The following TPRG1 variants were observed in gnomAD, a reference collection of about 807,000 sequenced individuals.
TPRG1 encodes the protein tumor protein p63-regulated gene 1 protein.
A neutral mutation model predicts 29.3 loss-of-function variants in TPRG1; 29 were observed. That is an observed-to-expected ratio of 0.99 (90% CI 0.74 to 1.35). The LOEUF is 1.35. Ranked by LOEUF, TPRG1 falls within the 40% of genes most tolerant of loss-of-function variation. TPRG1 has a pLI of 0.00. For missense variants in TPRG1, 327 were observed against 335.0 expected (o/e 0.98, Z 0.19); for synonymous variants, 130 against 116.8 (o/e 1.11, Z -0.73).
chr3:189,296,269 A>G (rs1380994728), intron 4 of TPRG1, among the ~76,000 whole-genome samples: 1 of 152,258 alleles, frequency 6.6e-6, no homozygotes, highest in Non-Finnish European at 1.5e-5. Flanking sequence ...TTTCTTCAAA[A>G]GTTAATTTGA....
chr3:189,296,146 A>T (rs1719882695), intron 4 of TPRG1, among the ~76,000 whole-genome samples: 1 of 152,242 alleles, frequency 6.6e-6, no homozygotes. Flanking sequence ...TAGCCTAAAT[A>T]AGTCATCAGG....
At position 189,207,072 on chromosome 3, in the gene TPRG1, G is replaced by T. The variant is rs912570614; in HGVS notation, c.-9-304G>T. On this transcript the variant is annotated intron_variant, in intron 1 of 5. Transcript: ENST00000345063. ...TGCTATGCAATTTTGAAGAGAAATT[G>T]TCTGGTAATTATTTTATATAGCTCT... 1.1e-5 allele frequency: 7 copies of T among 609,226 alleles called. No individual in the cohort carries two copies. The South Asian group carries it at 5.1e-4, about 44-fold the overall frequency. The allele number at this position is 609,226 out of a possible 1,614,324, so 37.7% of individuals were successfully genotyped here.
chr3:189,139,542 C>T (rs192031640), intron 3 of TPRG1, among the ~76,000 whole-genome samples: 5 of 152,248 alleles, frequency 3.3e-5, no homozygotes, highest in African/African-American at 1.2e-4. Flanking sequence ...CAGCCGAGCT[C>T]GTATTCATAA....
At chr3:189,028,882 T>C (rs1339246972) in intron 4 of TPRG1, among the ~76,000 whole-genome samples, 1 of 152,152 alleles carries the variant, frequency 6.6e-6, no homozygotes, top group Non-Finnish European at 1.5e-5. Context: ...AATGTATGAC[T>C]ACAGAGCAGA....
intron 1 of TPRG1, among the ~76,000 whole-genome samples, chr3:188,997,626 T>C (rs1212494881): frequency 1.3e-5 from 2 of 152,150 alleles, no homozygotes; most frequent in Non-Finnish European, 2.9e-5. Context: ...TCACCCTCGA[T>C]CTGACTCAAG....
chr3:189,066,673 A>G (rs1716471557), intron 4 of TPRG1, among the ~76,000 whole-genome samples: 1 of 152,056 alleles, frequency 6.6e-6, no homozygotes, highest in Admixed American at 6.6e-5. Flanking sequence ...ACATGCCTCA[A>G]TACAATAAAA....
chr3:189,180,019 G>A (rs999723759), intron 1 of TPRG1, among the ~76,000 whole-genome samples: 3 of 152,320 alleles, frequency 2.0e-5, no homozygotes, highest in African/African-American at 7.2e-5. Context: ...GCAAGGAGGA[G>A]CAAGTCACAT....
chr3:189,246,748 T>C (rs1293077161), intron 4 of TPRG1, among the ~76,000 whole-genome samples: 1 of 152,200 alleles, frequency 6.6e-6, no homozygotes, highest in Non-Finnish European at 1.5e-5. Context: ...AGGAATATTT[T>C]CTCTAGTTAT....
chr3:189,305,211 A>G (rs892436632), intron 4 of TPRG1, among the ~76,000 whole-genome samples: 7 of 152,206 alleles, frequency 4.6e-5, no homozygotes, highest in Non-Finnish European at 1.0e-4. Flanking sequence ...AGAGGAAGCC[A>G]GCTATGTTGC....
At chr3:189,126,440 C>T (rs1408405338) in intron 1 of TPRG1, among the ~76,000 whole-genome samples, 1 of 152,134 alleles carries the variant, frequency 6.6e-6, no homozygotes, top group African/African-American at 2.4e-5. Flanking sequence ...TAAGACTGGC[C>T]ACTGGTTATT....
In TPRG1 at chr3:189,223,240, C is replaced by T. The variant is rs141325079; in HGVS notation, c.302+7857C>T. ...GCCCTTGGCTGATACTAGCAGGGTCCATCCGTTGTGTCCTGCCTCCGTGTC... is the reference window on the plus strand; with the variant it reads ...GCCCTTGGCTGATACTAGCAGGGTCTATCCGTTGTGTCCTGCCTCCGTGTC... On this transcript the variant is annotated intron_variant, in intron 3 of 5. Coordinates refer to ENST00000345063, the MANE Select transcript of TPRG1 (RefSeq NM_198485.4). Among the ~76,000 whole-genome samples the T allele has an allele frequency of 2.8e-3, 430 of 152,308 alleles. 2 individuals are homozygous for T. Among genetic ancestry groups the T allele is most frequent in the African/African-American group, 9.9e-3 (410 of 41,560 alleles).
rs181560281 is a variant in TPRG1 at position 189,051,958 on chromosome 3, G to A, written c.-463+28012G>A. On this transcript the variant is annotated intron_variant, in intron 4 of 10. Transcript: ENST00000433971. ...CAAAAATCAACTCCAGATATATTAA[G>A]GACTTAAACCTAATACCTGAAACTA... Among the ~76,000 whole-genome samples the A allele has an allele frequency of 2.7e-3, 416 of 152,148 alleles. 2 individuals are homozygous for A. Among genetic ancestry groups the A allele is most frequent in the South Asian group, 9.3e-3 (45 of 4,822 alleles).
rs1164581985 is a variant in TPRG1 at position 189,323,012 on chromosome 3, G to A, written c.*2192G>A. 4 of 152,004 alleles carry A rather than the reference G, an allele frequency of 2.6e-5. No homozygotes were observed. Among genetic ancestry groups the A allele is most frequent in the South Asian group, 2.1e-4 (1 of 4,816 alleles). The allele number at this position is 152,004 out of a possible 1,614,324, so 9.4% of individuals were successfully genotyped here. On this transcript the variant is annotated 3_prime_UTR_variant, in exon 6 of 6. Coordinates refer to ENST00000345063, the MANE Select transcript of TPRG1 (RefSeq NM_198485.4). ...AATTGATAAATGGGATCTAGAAAGC[G>A]GTATTATGACCAGAGGGTGAGAAGA...
rs532694278 is a variant in TPRG1, at chr3:189,001,745, C to A, written c.-878+834C>A. Among the ~76,000 whole-genome samples, 17 of 151,918 alleles carry A rather than the reference C, an allele frequency of 1.1e-4. No individual in the cohort carries two copies. In the East Asian group the frequency reaches 3.3e-3, roughly 29 times the overall value. ...CTTCCTTGGCTCAAGATATGGAAGT[C>A]ATGGAAGTGAGTTTCAAGTCATGGA... On this transcript the variant is annotated intron_variant, in intron 2 of 10. Transcript: ENST00000433971.
Position 189,320,814 on chromosome 3 carries a change from T to C in TPRG1, c.822T>C (p.Gly274=). The change falls in exon 6 of 6, where the codon GGT becomes GGC. Residue 274 remains glycine (G), a synonymous_variant. Transcript: ENST00000345063. The part of the protein sequence containing the change: ...LGYSLARGSI[G]F ...ATTCCCTTGCCCGTGGGAGTATTGG[T>C]TTTTGAGAGTCTTTTTGGTACCATA... is the stretch of plus-strand genomic sequence containing the variant. The C allele has an allele frequency of 6.3e-7, 1 of 1,576,240 alleles. No homozygotes were observed. Among genetic ancestry groups the C allele is most frequent in the Non-Finnish European group, 8.6e-7 (1 of 1,161,948 alleles).
chr3:189,011,243 C>T lies in TPRG1; in HGVS notation c.-660+6483C>T, dbSNP rs1167045566. On this transcript the variant is annotated intron_variant, in intron 3 of 10. Coordinates refer to the TPRG1 transcript ENST00000433971. ...TTTGCTTATGATTGCCTTGTCTAAT[C>T]GGCTCTTTTTTTGTTCCATATGAAT... Among the ~76,000 whole-genome samples the T allele has an allele frequency of 5.3e-5, 8 of 152,210 alleles. No homozygotes were observed. The East Asian group carries it at 9.7e-4, about 18-fold the overall frequency.
At chr3:189,158,407 A>G (rs1181936099) in intron 5 of TPRG1, among the ~76,000 whole-genome samples, 1 of 151,980 alleles carries the variant, frequency 6.6e-6, no homozygotes, top group Non-Finnish European at 1.5e-5. Context: ...TCAGGAGTTC[A>G]AGTCTAGCCT....
chr3:189,312,111 T>TC (rs1560688871), intron 5 of TPRG1, among the ~76,000 whole-genome samples: 17 of 70,712 alleles, frequency 2.4e-4, no homozygotes, highest in African/African-American at 4.3e-4. Flanking sequence ...CTTTGTTTCT[T>TC]TCTTTGTTTC....
intron 1 of TPRG1, among the ~76,000 whole-genome samples, chr3:189,200,745 TTAAC>T (rs1327209517): frequency 7.9e-5 from 12 of 152,352 alleles, no homozygotes; most frequent in South Asian, 6.2e-4. Flanking sequence ...TAAATTGTAA[TTAAC>T]TAACTGAGAG....
Sources: gnomAD v4.1 joint callset for allele counts (sites outside exome capture counted in the v4.1 genomes callset) on GRCh38, gnomAD v4.1.1 for gene constraint, MANE v1.5 for transcripts, NCBI Gene and HGNC (gene_info 2026-07-23, HGNC 2026-07-21) for gene names.